HS6ST3: variants seen among roughly 807,000 people sequenced by gnomAD.
HS6ST3 encodes heparan sulfate 6-O-sulfotransferase 3, also known as heparan-sulfate 6-O-sulfotransferase 3.
A neutral mutation model predicts 36.7 loss-of-function variants in HS6ST3; 12 were observed. The ratio of observed to expected loss-of-function variants is 0.33; its 90% CI spans 0.21 to 0.53. The LOEUF (loss-of-function observed/expected upper bound fraction) is 0.53. HS6ST3 is among the 20% of genes least tolerant of loss of function. The pLI, the probability that HS6ST3 is intolerant of heterozygous loss-of-function variation, is 0.95. For synonymous variants in HS6ST3, 240 were observed against 257.5 expected, an observed-to-expected ratio of 0.93 and a Z score of 0.65; for missense variants, 584 against 640.9, an observed-to-expected ratio of 0.91 and a Z score of 0.96.
intron 1 of HS6ST3, among the ~76,000 whole-genome samples, chr13:96,548,239 T>C (rs1269769032): frequency 1.3e-5 from 2 of 152,066 alleles, no homozygotes; most frequent in African/African-American, 4.8e-5. Context: ...ACCTCCAGAC[T>C]CTTCCTCCTT....
At position 96,274,945 on chromosome 13, in the gene HS6ST3, G is replaced by A. The variant is rs79498054; in HGVS notation, c.707+183376G>A. Among the ~76,000 whole-genome samples, 880 of 151,184 alleles carry A rather than the reference G, an allele frequency of 5.8e-3. 11 individuals carry two copies. Among genetic ancestry groups the A allele is most frequent in the African/African-American group, 0.02 (831 of 41,162 alleles). ...AGCCTGCCTTCAAGGTTAGATAGTG[G>A]GGCCTATGATTCTGTTGCAGGCTTC... On this transcript the variant is annotated intron_variant, in intron 1 of 1. Transcript: ENST00000376705.
At chr13:96,400,590 G>C (rs1652416186) in intron 1 of HS6ST3, among the ~76,000 whole-genome samples, 1 of 152,074 alleles carries the variant, frequency 6.6e-6, no homozygotes, top group South Asian at 2.1e-4. Context: ...TGTAATTAGA[G>C]ACCTTTGAAC....
At chr13:96,363,820 T>G (rs917140652) in intron 1 of HS6ST3, among the ~76,000 whole-genome samples, 2 of 152,174 alleles carry the variant, frequency 1.3e-5, no homozygotes, top group African/African-American at 4.8e-5. Flanking sequence ...TTGTATGTAT[T>G]CTATTCAGCA....
At chr13:96,673,283 TCTTAA>T (rs1434125454) in intron 1 of HS6ST3, among the ~76,000 whole-genome samples, 3 of 152,144 alleles carry the variant, frequency 2.0e-5, no homozygotes, top group Non-Finnish European at 2.9e-5. Flanking sequence ...ATTTTGTGAT[TCTTAA>T]CTTAATCACA....
intron 1 of HS6ST3, among the ~76,000 whole-genome samples, chr13:96,532,839 A>G (rs1205617675): frequency 6.6e-6 from 1 of 152,150 alleles, no homozygotes; most frequent in East Asian, 1.9e-4. Context: ...CTTTCCTAAT[A>G]GTACTAGGGA....
intron 1 of HS6ST3, among the ~76,000 whole-genome samples, chr13:96,478,305 T>C (rs7317433): frequency 0.75 from 113,700 of 152,058 alleles, 43,976 homozygotes; most frequent in Non-Finnish European, 0.84. Context: ...AGTGAAAATG[T>C]GTAGAGAAGG....
At chr13:96,658,448 T>C (rs535262949) in intron 1 of HS6ST3, among the ~76,000 whole-genome samples, 3 of 150,902 alleles carry the variant, frequency 2.0e-5, no homozygotes, top group Admixed American at 6.6e-5. Context: ...GCCTGGCTAA[T>C]TTTTTAATAT....
chr13:96,252,108 G>T (rs2054610473), intron 1 of HS6ST3, among the ~76,000 whole-genome samples: 1 of 152,132 alleles, frequency 6.6e-6, no homozygotes, highest in South Asian at 2.1e-4. Flanking sequence ...TATTAATTTT[G>T]TGTCTGGAAA....
intron 1 of HS6ST3, among the ~76,000 whole-genome samples, chr13:96,118,740 G>A: frequency 9.5e-6 from 1 of 105,212 alleles, no homozygotes; most frequent in South Asian, 3.4e-4. Flanking sequence ...GTCTCGCTCT[G>A]TCGCCCAGGC....
chr13:96,174,838 T>A (rs1157478562), intron 1 of HS6ST3, among the ~76,000 whole-genome samples: 1 of 152,160 alleles, frequency 6.6e-6, no homozygotes, highest in Non-Finnish European at 1.5e-5. Context: ...GATATTTCTC[T>A]CTCTCTTGAA....
intron 1 of HS6ST3, among the ~76,000 whole-genome samples, chr13:96,807,964 C>G (rs1878236874): frequency 6.6e-6 from 1 of 151,954 alleles, no homozygotes; most frequent in Non-Finnish European, 1.5e-5. Flanking sequence ...ACCTATTACA[C>G]ACTCTTAACT....
intron 1 of HS6ST3, among the ~76,000 whole-genome samples, chr13:96,638,904 C>T (rs888646960): frequency 5.9e-5 from 9 of 151,812 alleles, no homozygotes; most frequent in Non-Finnish European, 1.2e-4. Flanking sequence ...TAAAAGATTT[C>T]CCATCCATTG....
intron 1 of HS6ST3, among the ~76,000 whole-genome samples, chr13:96,394,977 G>T (rs1186468523): frequency 2.6e-5 from 4 of 152,162 alleles, no homozygotes; most frequent in Non-Finnish European, 5.9e-5. Context: ...TGGCTAAAAT[G>T]TTGAAATAAT....
At chr13:96,754,860 T>C (rs988546910) in intron 1 of HS6ST3, among the ~76,000 whole-genome samples, 1 of 152,116 alleles carries the variant, frequency 6.6e-6, no homozygotes, top group Non-Finnish European at 1.5e-5. Context: ...ATAATATCAA[T>C]ATTACATATT....
intron 1 of HS6ST3, among the ~76,000 whole-genome samples, chr13:96,735,298 G>T (rs75921994): frequency 3.3e-5 from 5 of 152,162 alleles, no homozygotes; most frequent in African/African-American, 1.2e-4. Flanking sequence ...AAGAGTTTAT[G>T]TGTTTTGCAT....
chr13:96,147,719 G>A (rs1566893494), intron 1 of HS6ST3, among the ~76,000 whole-genome samples: 1 of 152,186 alleles, frequency 6.6e-6, no homozygotes, highest in Admixed American at 6.5e-5. Flanking sequence ...CTTGCACCCT[G>A]AGCTGCAGGG....
intron 1 of HS6ST3, among the ~76,000 whole-genome samples, chr13:96,795,714 G>C (rs1877894597): frequency 6.6e-6 from 1 of 152,122 alleles, no homozygotes; most frequent in African/African-American, 2.4e-5. Context: ...AGGGCCCAAA[G>C]AGAATCCTAT....
intron 1 of HS6ST3, among the ~76,000 whole-genome samples, chr13:96,261,448 G>C (rs898722241): frequency 6.6e-6 from 1 of 152,040 alleles, no homozygotes; most frequent in Non-Finnish European, 1.5e-5. Flanking sequence ...GAAATTGATT[G>C]CACACTGCTG....
intron 1 of HS6ST3, among the ~76,000 whole-genome samples, chr13:96,747,579 G>T (rs1876591601): frequency 6.6e-6 from 1 of 151,828 alleles, no homozygotes; most frequent in African/African-American, 2.4e-5. Flanking sequence ...GATTTTCTTT[G>T]TAACTTTACA....
Sources: gnomAD v4.1 joint callset for allele counts (sites outside exome capture counted in the v4.1 genomes callset) on GRCh38, gnomAD v4.1.1 for gene constraint, MANE v1.5 for transcripts, NCBI Gene and HGNC (gene_info 2026-07-23, HGNC 2026-07-21) for gene names.